ZNF516: variants seen among roughly 807,000 people sequenced by gnomAD.
ZNF516 encodes the protein zinc finger protein 516.
ZNF516 carries 19 observed loss-of-function variants against 79.7 expected under a neutral mutation model. The observed-to-expected ratio is 0.24, with a 90% CI of 0.17 to 0.35. The LOEUF is 0.35. Ranked by LOEUF, ZNF516 falls within the 10% of genes least tolerant of loss-of-function variation. ZNF516 has a pLI of 1.00. For synonymous variants in ZNF516, 877 were observed against 739.5 expected (o/e 1.19, Z -3.02); for missense variants, 1,678 against 1,679.5 (o/e 1.00, Z 0.02).
At chr18:76,466,336 C>G (rs1913466145) in intron 1 of ZNF516, among the ~76,000 whole-genome samples, 1 of 152,054 alleles carries the variant, frequency 6.6e-6, no homozygotes, top group Non-Finnish European at 1.5e-5. Flanking sequence ...CCTTGGGAGT[C>G]TCAGGACCTC....
chr18:76,407,525 G>A (rs989335422), intron 3 of ZNF516, among the ~76,000 whole-genome samples: 1 of 152,098 alleles, frequency 6.6e-6, no homozygotes, highest in Non-Finnish European at 1.5e-5. Flanking sequence ...GAGGAGACGG[G>A]GCCATGTGAT....
chr18:76,446,242 G>A (rs1308653185), intron 2 of ZNF516, among the ~76,000 whole-genome samples: 1 of 152,154 alleles, frequency 6.6e-6, no homozygotes, highest in African/African-American at 2.4e-5. Flanking sequence ...CCCCCTCAGA[G>A]CCCACAGCAT....
chr18:76,443,402 C>T (rs1911847895), intron 2 of ZNF516, among the ~76,000 whole-genome samples, 191 bp from the exon 3 acceptor site: 1 of 152,158 alleles, frequency 6.6e-6, no homozygotes, highest in Non-Finnish European at 1.5e-5. Context: ...ACTTAATTAT[C>T]AATAATGAAC....
At chr18:76,478,917 A>G (rs940119852) in intron 1 of ZNF516, among the ~76,000 whole-genome samples, 6 of 152,110 alleles carry the variant, frequency 3.9e-5, no homozygotes, top group African/African-American at 1.2e-4. Context: ...TTAGCTGGGC[A>G]TGGTTGTGTG....
At chr18:76,413,137 G>C (rs546117322) in intron 3 of ZNF516, among the ~76,000 whole-genome samples, 1 of 152,136 alleles carries the variant, frequency 6.6e-6, no homozygotes, top group African/African-American at 2.4e-5. Context: ...ATGCCATACG[G>C]TTTATTCCCA....
At chr18:76,484,284 G>C (rs1188069482) in intron 1 of ZNF516, among the ~76,000 whole-genome samples, 1 of 152,164 alleles carries the variant, frequency 6.6e-6, no homozygotes, top group Non-Finnish European at 1.5e-5. Context: ...AAAATGTCAG[G>C]ATTCACTCAA....
Position 76,359,290 on chromosome 18 carries a change from A to G in ZNF516, c.*3208T>C, listed in dbSNP as rs1021554676. The G allele has an allele frequency of 6.6e-6, 1 of 152,184 alleles. No individual in the cohort carries two copies. The highest frequency in any genetic ancestry group is 2.4e-5 in the African/African-American group (1 of 41,436). 9.4% of individuals were successfully genotyped at this position (152,184 alleles called of 1,614,324 possible). On this transcript the variant is annotated 3_prime_UTR_variant, in exon 7 of 7. Transcript: ENST00000443185. Reference sequence around the variant, plus strand: ...TACTTTTCAGAGCCTCAAAGGCAAAATTCACCTGGCTTTGAAGCCAAATCT... The same window carrying G: ...TACTTTTCAGAGCCTCAAAGGCAAAGTTCACCTGGCTTTGAAGCCAAATCT...
intron 1 of ZNF516, among the ~76,000 whole-genome samples, chr18:76,478,310 A>C (rs1480474528): frequency 1.3e-5 from 2 of 152,216 alleles, no homozygotes; most frequent in African/African-American, 2.4e-5. Context: ...TGTATGAAAT[A>C]AATCAACTTT....
chr18:76,454,189 C>T (rs543262598), intron 2 of ZNF516, among the ~76,000 whole-genome samples: 69 of 152,250 alleles, frequency 4.5e-4, no homozygotes, highest in African/African-American at 1.3e-3. Flanking sequence ...CAGAAGTCAG[C>T]GCCCAAAAAA....
intron 3 of ZNF516, among the ~76,000 whole-genome samples, chr18:76,399,069 G>A (rs1472472292): frequency 1.3e-5 from 2 of 152,162 alleles, no homozygotes; most frequent in Non-Finnish European, 2.9e-5. Flanking sequence ...GGCAGCCCGC[G>A]CAATGCATGG....
chr18:76,486,857 T>C (rs1914862372), intron 1 of ZNF516, among the ~76,000 whole-genome samples: 1 of 152,178 alleles, frequency 6.6e-6, no homozygotes, highest in African/African-American at 2.4e-5. Flanking sequence ...CTTTACTTAC[T>C]TCCTGACCAA....
rs760682334 is a variant in ZNF516 at position 76,442,293 on chromosome 18, G to A, written c.762C>T (p.Gly254=). 5.6e-6 allele frequency: 9 copies of A among 1,612,806 alleles called. No individual in the cohort carries two copies. Among genetic ancestry groups the A allele is most frequent in the Non-Finnish European group, 6.8e-6 (8 of 1,179,668 alleles). Residue 254 remains glycine (G), a synonymous_variant, in exon 3 of 7, where the codon GGC becomes GGT. Coordinates refer to ENST00000443185, the MANE Select transcript of ZNF516 (RefSeq NM_014643.4). ...SPGEFPCEVC[G]QAFSQTWFLK... ...GGAACCAGGTCTGGCTGAAGGCCTG[G>A]CCACACACCTCGCACGGGAACTCCC...
chr18:76,380,377 G>C, intron 3 of ZNF516, 74 bp from the exon 4 acceptor site: 1 of 1,534,764 alleles, frequency 6.5e-7, no homozygotes, highest in Non-Finnish European at 8.8e-7. Flanking sequence ...GGTGCGTACA[G>C]CTACAGCATG....
At position 76,440,761 on chromosome 18, in the gene ZNF516, T is replaced by TGTGTGTGTGTGTGC. The variant is rs571461431; in HGVS notation, c.1810+483_1810+484insGCACACACACACAC. 6.3e-3 allele frequency among the ~76,000 whole-genome samples: 946 copies of TGTGTGTGTGTGTGC among 150,220 alleles called. 9 individuals are homozygous for TGTGTGTGTGTGTGC. Among genetic ancestry groups the TGTGTGTGTGTGTGC allele is most frequent in the African/African-American group, 0.017 (676 of 40,850 alleles). Reference sequence around the variant, plus strand: ...GTGTGTTTGTGTGTGTGTGTGTGTGTGCGCGCACGCGCGCATGCATCGTAT... The same window carrying TGTGTGTGTGTGTGC: ...GTGTGTTTGTGTGTGTGTGTGTGTGTGTGTGTGTGTGTGCGCGCGCACGCGCGCATGCATCGTAT... On this transcript the variant is annotated intron_variant, in intron 3 of 6. Coordinates refer to ENST00000443185, the MANE Select transcript of ZNF516 (RefSeq NM_014643.4).
chr18:76,470,410 T>C (rs1250810553), intron 1 of ZNF516, among the ~76,000 whole-genome samples: 1 of 152,172 alleles, frequency 6.6e-6, no homozygotes, highest in East Asian at 1.9e-4. Context: ...CACTAACTGC[T>C]TAAGAAATTC....
At chr18:76,376,511 T>C (rs2074788408) in intron 4 of ZNF516, among the ~76,000 whole-genome samples, 1 of 140,194 alleles carries the variant, frequency 7.1e-6, no homozygotes, top group Non-Finnish European at 1.5e-5. Context: ...ATATGAAAGA[T>C]AAATATTTAA....
In ZNF516 at chr18:76,442,509, C is replaced by T; in HGVS notation, c.546G>A (p.Gln182=). 1 of 1,601,500 alleles carries T rather than the reference C, an allele frequency of 6.2e-7. No homozygotes were observed. Among genetic ancestry groups the T allele is most frequent in the Non-Finnish European group, 8.5e-7 (1 of 1,179,612 alleles). ...AAVQCSFCKS[Q]FERKKDLELH... ...GCTCCAGGTCCTTCTTACGCTCGAACTGGCTCTTGCAGAAGGAGCACTGGA... is the reference window on the plus strand; with the variant it reads ...GCTCCAGGTCCTTCTTACGCTCGAATTGGCTCTTGCAGAAGGAGCACTGGA... Residue 182 remains glutamine (Q), a synonymous_variant, in exon 3 of 7, where the codon CAG becomes CAA. Transcript: ENST00000443185.
intron 2 of ZNF516, among the ~76,000 whole-genome samples, chr18:76,449,281 C>A (rs756881102): frequency 6.6e-6 from 1 of 152,220 alleles, no homozygotes; most frequent in Non-Finnish European, 1.5e-5. Flanking sequence ...CTGCCCTGGA[C>A]CCCGGTGTCT....
At chr18:76,405,000 G>C (rs933118716) in intron 3 of ZNF516, among the ~76,000 whole-genome samples, 1 of 152,230 alleles carries the variant, frequency 6.6e-6, no homozygotes, top group Admixed American at 6.5e-5. Context: ...CAGCAACCCA[G>C]GTATAAGCAG....
Sources: allele counts gnomAD v4.1 joint callset (sites outside exome capture counted in the v4.1 genomes callset), GRCh38; gene constraint gnomAD v4.1.1; transcripts MANE v1.5; gene names NCBI Gene and HGNC (gene_info 2026-07-23, HGNC 2026-07-21).